The following ARID4B variants were observed in gnomAD, a reference collection of about 807,000 sequenced individuals.
ARID4B encodes the protein AT-rich interaction domain 4B, also known as AT-rich interactive domain-containing protein 4B.
Under a neutral mutation model 147.5 loss-of-function variants are expected in ARID4B, and 26 were observed. The ratio of observed to expected loss-of-function variants is 0.18; its 90% CI spans 0.13 to 0.24. The LOEUF is 0.24. ARID4B is among the 10% of genes least tolerant of loss of function. The pLI is 1.00. For missense variants in ARID4B, 1,179 were observed against 1,511.5 expected (o/e 0.78, Z 3.65); for synonymous variants, 512 against 507.9 (o/e 1.01, Z -0.11).
intron 2 of ARID4B, among the ~76,000 whole-genome samples, chr1:235,299,342 T>G (rs1053279178): frequency 6.6e-6 from 1 of 152,108 alleles, no homozygotes; most frequent in Non-Finnish European, 1.5e-5. Context: ...GCCGCCCGAG[T>G]AGCTGGGATT....
Position 235,168,233 on chromosome 1 carries a change from G to T in ARID4B, c.*292C>A. 3.3e-6 allele frequency: 1 copy of T among 305,268 alleles called. No homozygotes were observed. Among genetic ancestry groups the T allele is most frequent in the Non-Finnish European group, 6.2e-6 (1 of 161,832 alleles). 18.9% of individuals were successfully genotyped at this position (305,268 alleles called of 1,614,324 possible). ...GACCCACCCCTTAACTATGCTTACT[G>T]TATTGTCTCTACAGGCAGTGAAAAG... On this transcript the variant is annotated 3_prime_UTR_variant, in exon 24 of 24. Transcript: ENST00000264183.
chr1:235,230,613 A>C (rs1231734210), intron 10 of ARID4B, among the ~76,000 whole-genome samples: 1 of 133,086 alleles, frequency 7.5e-6, no homozygotes, highest in African/African-American at 2.8e-5. Context: ...AAAAAAAAAA[A>C]AAACCAGAAA....
Position 235,249,457 on chromosome 1 carries a change from A to C in ARID4B, c.355-2946T>G, listed in dbSNP as rs559372775. Among the ~76,000 whole-genome samples the C allele has an allele frequency of 1.4e-4, 22 of 152,188 alleles. No homozygotes were observed. The East Asian group carries it at 4.3e-3, about 29-fold the overall frequency. The stretch of plus-strand genomic sequence containing the variant: ...ATGTTAGGCAGCAGGTAACATACTC[A>C]TTAAGCTGGTTATGGCTAAAACCAG... On this transcript the variant is annotated intron_variant, in intron 6 of 23. Transcript: ENST00000264183.
intron 2 of ARID4B, among the ~76,000 whole-genome samples, chr1:235,281,272 C>T (rs924316473): frequency 5.9e-5 from 9 of 151,742 alleles, no homozygotes; most frequent in Admixed American, 1.3e-4. Context: ...AAATAAAGGC[C>T]GGGCACAGTG....
At chr1:235,230,075 G>A (rs1668101673) in intron 10 of ARID4B, among the ~76,000 whole-genome samples, 1 of 152,190 alleles carries the variant, frequency 6.6e-6, no homozygotes. Context: ...CTGGAGCCTT[G>A]TGGTTAAGGA....
At chr1:235,238,060 C>T (rs1177340172) in intron 8 of ARID4B, among the ~76,000 whole-genome samples, 1 of 150,770 alleles carries the variant, frequency 6.6e-6, no homozygotes, top group Admixed American at 6.6e-5. Flanking sequence ...AGGAGGATCA[C>T]TTGAACCTGG....
rs1192574421 is a variant in ARID4B at position 235,265,945 on chromosome 1, T to TA, written c.7-5194dup. Among the ~76,000 whole-genome samples, 23 of 151,446 alleles carry TA rather than the reference T, an allele frequency of 1.5e-4. No individual in the cohort carries two copies. In the South Asian group the frequency reaches 2.1e-3, roughly 14 times the overall value. On this transcript the variant is annotated intron_variant, in intron 2 of 23. Coordinates refer to ENST00000264183, the MANE Select transcript of ARID4B (RefSeq NM_016374.6). ...TACAACCTGGGAGGCAATTGTTTTTTAAAAAAAAATGTTTAAGTCTATATA... is the reference window on the plus strand; with the variant it reads ...TACAACCTGGGAGGCAATTGTTTTTTAAAAAAAAAATGTTTAAGTCTATATA...
chr1:235,292,406 G>T (rs1227546764), intron 2 of ARID4B, among the ~76,000 whole-genome samples: 2 of 152,168 alleles, frequency 1.3e-5, no homozygotes, highest in African/African-American at 4.8e-5. Context: ...TTGAGGTCAG[G>T]TGTTCAAGAA....
chr1:235,294,761 G>A (rs1386595530), intron 2 of ARID4B, among the ~76,000 whole-genome samples: 3 of 151,390 alleles, frequency 2.0e-5, no homozygotes, highest in Non-Finnish European at 2.9e-5. Flanking sequence ...TTATCCGCCC[G>A]CCTCAGCCTC....
intron 6 of ARID4B, among the ~76,000 whole-genome samples, chr1:235,249,818 T>C (rs942262440): frequency 3.7e-4 from 56 of 151,566 alleles, no homozygotes; most frequent in Admixed American, 3.3e-4. Flanking sequence ...CACACGACTG[T>C]AGTCCCAGCT....
chr1:235,199,644 G>T (rs1665750234), intron 17 of ARID4B, among the ~76,000 whole-genome samples: 1 of 152,176 alleles, frequency 6.6e-6, no homozygotes, highest in Non-Finnish European at 1.5e-5. Flanking sequence ...TTCAGAGTAA[G>T]TTTAGTGAAG....
In ARID4B at chr1:235,173,511, G is replaced by C. The variant is rs1663520485; in HGVS notation, c.3665-747C>G. ...GAGTGTGTAAAAATTTAAATTAGAA[G>C]GCAATTTTAAAAAGCTCTAAAGCAA... On this transcript the variant is annotated intron_variant, in intron 22 of 23. Coordinates refer to ENST00000264183, the MANE Select transcript of ARID4B (RefSeq NM_016374.6). 2.0e-5 allele frequency among the ~76,000 whole-genome samples: 3 copies of C among 150,530 alleles called. No individual in the cohort carries two copies. The South Asian group carries it at 6.3e-4, about 32-fold the overall frequency.
At chr1:235,264,436 C>G (rs1451139788) in intron 2 of ARID4B, among the ~76,000 whole-genome samples, 1 of 152,156 alleles carries the variant, frequency 6.6e-6, no homozygotes, top group African/African-American at 2.4e-5. Context: ...ATCACTCTAT[C>G]ATTACTTTAA....
chr1:235,251,911 T>C (rs1016290896), intron 6 of ARID4B, among the ~76,000 whole-genome samples: 2 of 152,168 alleles, frequency 1.3e-5, no homozygotes, highest in African/African-American at 4.8e-5. Flanking sequence ...TCTTTCAATT[T>C]AAGGATATGG....
intron 2 of ARID4B, among the ~76,000 whole-genome samples, chr1:235,298,117 A>G (rs1188108907): frequency 1.3e-5 from 2 of 152,338 alleles, no homozygotes; most frequent in East Asian, 1.9e-4. Context: ...GGGTGAAATG[A>G]TATCTGGAAT....
intron 5 of ARID4B, 66 bp from the exon 6 acceptor site, chr1:235,252,875 A>G (rs1669729932): frequency 1.2e-5 from 16 of 1,354,812 alleles, no homozygotes; most frequent in Non-Finnish European, 1.5e-5. Flanking sequence ...GATGACATGT[A>G]TTACAATTTT....
chr1:235,301,038 CTTTTTTTTTTTTTTTTTTT>C (rs780839339), intron 2 of ARID4B, among the ~76,000 whole-genome samples: 1 of 112,284 alleles, frequency 8.9e-6, no homozygotes, highest in African/African-American at 3.7e-5. Context: ...TTTAAGTATT[CTTTTTTTTTTTTTTTTTTT>C]TTTTTTAGTA....
intron 8 of ARID4B, among the ~76,000 whole-genome samples, chr1:235,236,852 A>ATGTG (rs1668624310): frequency 2.6e-5 from 1 of 38,072 alleles, no homozygotes; most frequent in African/African-American, 8.3e-5. Context: ...ATATATATAT[A>ATGTG]TATATATATA....
At position 235,236,852 on chromosome 1, in the gene ARID4B, ATATATATATATTTTTTTTT is replaced by A. The variant is rs1272254692; in HGVS notation, c.586-2379_586-2361del. On this transcript the variant is annotated intron_variant, in intron 8 of 23. Transcript: ENST00000264183. ...ATAAAAAATATATATATATATATAT[ATATATATATATTTTTTTTT>A]TTTTTTTTTTTTTTTTTTGAGATAA... Among the ~76,000 whole-genome samples, 79 of 38,064 alleles carry A rather than the reference ATATATATATATTTTTTTTT, an allele frequency of 2.1e-3. 3 individuals carry two copies. Among genetic ancestry groups the A allele is most frequent in the African/African-American group, 6.4e-3 (77 of 12,036 alleles). 25.0% of individuals were successfully genotyped at this position (38,064 alleles called of 152,430 possible). A position where few individuals can be genotyped will look rare whatever the true frequency, so the allele number is the denominator to read the frequency against.
Sources: allele counts gnomAD v4.1 joint callset (sites outside exome capture counted in the v4.1 genomes callset), GRCh38; gene constraint gnomAD v4.1.1; transcripts MANE v1.5; gene names NCBI Gene and HGNC (gene_info 2026-07-23, HGNC 2026-07-21).